ADAMTS12: variants seen among roughly 807,000 people sequenced by gnomAD.
The protein encoded by ADAMTS12 is ADAM metallopeptidase with thrombospondin type 1 motif 12, also known as A disintegrin and metalloproteinase with thrombospondin motifs 12.
ADAMTS12 carries 118 observed loss-of-function variants against 167.8 expected under a neutral mutation model. That is an observed-to-expected ratio of 0.70 (90% CI 0.61 to 0.82). The LOEUF (loss-of-function observed/expected upper bound fraction) is 0.82. ADAMTS12 is among the 40% of genes least tolerant of loss of function. The pLI is 0.00. For missense variants in ADAMTS12, 1,916 were observed against 1,998.8 expected (o/e 0.96, Z 0.79); for synonymous variants, 704 against 716.9 (o/e 0.98, Z 0.29).
chr5:33,719,617 T>C (rs528088813), intron 3 of ADAMTS12, among the ~76,000 whole-genome samples: 11 of 152,316 alleles, frequency 7.2e-5, no homozygotes, highest in Non-Finnish European at 7.4e-5. Context: ...CACCTAAGAA[T>C]CTTAAGGGGG....
chr5:33,529,166 A>C (rs1455399370), intron 23 of ADAMTS12, among the ~76,000 whole-genome samples: 4 of 152,240 alleles, frequency 2.6e-5, no homozygotes, highest in African/African-American at 4.8e-5. Context: ...GATATGTACA[A>C]ATAATTCCCA....
At chr5:33,693,302 T>C (rs1742622395) in intron 3 of ADAMTS12, among the ~76,000 whole-genome samples, 1 of 152,208 alleles carries the variant, frequency 6.6e-6, no homozygotes, top group Non-Finnish European at 1.5e-5. Context: ...AGAAACCATC[T>C]GCTCTTTCAA....
chr5:33,821,737 T>G (rs1747877471), intron 2 of ADAMTS12, among the ~76,000 whole-genome samples: 1 of 152,204 alleles, frequency 6.6e-6, no homozygotes, highest in Admixed American at 6.6e-5. Flanking sequence ...CCAAGTCACA[T>G]TTTTATCAAA....
At chr5:33,733,230 A>G (rs943697378) in intron 3 of ADAMTS12, among the ~76,000 whole-genome samples, 9 of 152,178 alleles carry the variant, frequency 5.9e-5, no homozygotes, top group Non-Finnish European at 1.2e-4. Context: ...TTACAGAATA[A>G]TACAGTTACT....
chr5:33,642,289 T>C (rs952893540), intron 10 of ADAMTS12, among the ~76,000 whole-genome samples: 2 of 152,210 alleles, frequency 1.3e-5, no homozygotes, highest in Non-Finnish European at 2.9e-5. Flanking sequence ...CAGCTTAGTA[T>C]GCTTAGCAAC....
chr5:33,779,981 A>G (rs1746062675), intron 2 of ADAMTS12, among the ~76,000 whole-genome samples: 1 of 152,186 alleles, frequency 6.6e-6, no homozygotes, highest in Non-Finnish European at 1.5e-5. Flanking sequence ...AGTAGATCTT[A>G]CATGTTTTTA....
rs1019810882 is a variant in ADAMTS12, at chr5:33,691,156, G to A, written c.635-7101C>T. 3.3e-5 allele frequency among the ~76,000 whole-genome samples: 5 copies of A among 152,150 alleles called. No individual in the cohort carries two copies. The South Asian group carries it at 1.0e-3, about 32-fold the overall frequency. On this transcript the variant is annotated intron_variant, in intron 3 of 23. Coordinates refer to ENST00000504830, the MANE Select transcript of ADAMTS12 (RefSeq NM_030955.4). Reference sequence around the variant, plus strand: ...AAGTGTTCAAAAAGAGTTTACTCCTGCACAGTTACATTTCATGTAGGGTAT... The same window carrying A: ...AAGTGTTCAAAAAGAGTTTACTCCTACACAGTTACATTTCATGTAGGGTAT...
chr5:33,709,406 A>C (rs1337322396), intron 3 of ADAMTS12, among the ~76,000 whole-genome samples: 1 of 152,252 alleles, frequency 6.6e-6, no homozygotes, highest in Non-Finnish European at 1.5e-5. Context: ...ATGCACACAT[A>C]TGTTCACTGC....
intron 2 of ADAMTS12, among the ~76,000 whole-genome samples, chr5:33,793,854 A>G (rs1746670420): frequency 1.3e-5 from 2 of 152,214 alleles, no homozygotes; most frequent in South Asian, 4.1e-4. Flanking sequence ...CCCAGCTGTG[A>G]GAGAAAAGGG....
chr5:33,583,809 T>A (rs1240810474), intron 18 of ADAMTS12, among the ~76,000 whole-genome samples: 3 of 152,256 alleles, frequency 2.0e-5, no homozygotes, highest in Non-Finnish European at 4.4e-5. Flanking sequence ...AAATGTCTAT[T>A]GAAATCTTTT....
chr5:33,822,179 TG>T (rs1478867511), intron 2 of ADAMTS12, among the ~76,000 whole-genome samples: 3 of 152,184 alleles, frequency 2.0e-5, no homozygotes, highest in African/African-American at 7.2e-5. Flanking sequence ...CCTTCCATGC[TG>T]GGGAAATGCC....
At chr5:33,773,559 T>C (rs1745819196) in intron 2 of ADAMTS12, among the ~76,000 whole-genome samples, 2 of 152,174 alleles carry the variant, frequency 1.3e-5, no homozygotes, top group South Asian at 4.1e-4. Context: ...TGTTTCTCTC[T>C]GTGAATTCTT....
chr5:33,766,831 G>A (rs116487523), intron 2 of ADAMTS12, among the ~76,000 whole-genome samples: 486 of 152,196 alleles, frequency 3.2e-3, no homozygotes, highest in African/African-American at 0.011. Flanking sequence ...TCATCATACC[G>A]TGGTCAAACA....
intron 19 of ADAMTS12, among the ~76,000 whole-genome samples, chr5:33,562,183 G>T (rs1019164821): frequency 1.3e-5 from 2 of 152,168 alleles, no homozygotes; most frequent in African/African-American, 2.4e-5. Context: ...CCCAGGTGCT[G>T]CTGATGCTGT....
At position 33,852,521 on chromosome 5, in the gene ADAMTS12, G is replaced by A. The variant is rs543744996; in HGVS notation, c.489+28598C>T. On this transcript the variant is annotated intron_variant, in intron 2 of 23. Coordinates refer to ENST00000504830, the MANE Select transcript of ADAMTS12 (RefSeq NM_030955.4). The stretch of plus-strand genomic sequence containing the variant: ...GGGAGGAATCAGTGACACCAAATGC[G>A]GCCGTTTAGTATGAAATTTCATAAT... Among the ~76,000 whole-genome samples, 4 of 152,230 alleles carry A rather than the reference G, an allele frequency of 2.6e-5. 1 individual carries two copies. The highest frequency in any genetic ancestry group is 9.6e-5 in the African/African-American group (4 of 41,522).
In ADAMTS12 at chr5:33,527,304, T is replaced by C; in HGVS notation, c.4669A>G (p.Lys1557Glu). The C allele has an allele frequency of 6.2e-7, 1 of 1,614,174 alleles. No homozygotes were observed. The highest frequency in any genetic ancestry group is 8.5e-7 in the Non-Finnish European group (1 of 1,180,026). ...GCCCTCACGGTGGGCACAGAACATTTCTTCATGGCTTTCAGTGTCTGGCAG... is the reference window on the plus strand; with the variant it reads ...GCCCTCACGGTGGGCACAGAACATTCCTTCATGGCTTTCAGTGTCTGGCAG... ...SFCQTLKAMK[K>E]CSVPTVRAEC... Residue 1557 changes from lysine (K) to glutamate (E), a missense_variant, in exon 24 of 24, where the codon AAA (lysine) becomes GAA (glutamate). Transcript: ENST00000504830.
rs1740251002 is a variant in ADAMTS12 at position 33,637,514 on chromosome 5, A to G, written c.1888+63T>C. On this transcript the variant is annotated intron_variant, in intron 12 of 23. Coordinates refer to ENST00000504830, the MANE Select transcript of ADAMTS12 (RefSeq NM_030955.4). Reference sequence around the variant, plus strand: ...GTGTGGATCACAGAAACCCTGACTGACATACAAATGCTTTGAGAATGGCTG... The same window carrying G: ...GTGTGGATCACAGAAACCCTGACTGGCATACAAATGCTTTGAGAATGGCTG... 6.0e-6 allele frequency: 9 copies of G among 1,505,570 alleles called. No individual in the cohort carries two copies. The Admixed American group carries it at 1.8e-4, about 29-fold the overall frequency. 93.3% of individuals were successfully genotyped at this position (1,505,570 alleles called of 1,614,324 possible). A position where few individuals can be genotyped will look rare whatever the true frequency, so the allele number is the denominator to read the frequency against.
intron 2 of ADAMTS12, among the ~76,000 whole-genome samples, chr5:33,812,887 C>T (rs1222872622): frequency 6.6e-6 from 1 of 152,110 alleles, no homozygotes; most frequent in Non-Finnish European, 1.5e-5. Flanking sequence ...GGTATATATC[C>T]ATATATACAT....
At chr5:33,783,633 T>C (rs533540290) in intron 2 of ADAMTS12, among the ~76,000 whole-genome samples, 2 of 151,880 alleles carry the variant, frequency 1.3e-5, no homozygotes, top group African/African-American at 2.4e-5. Context: ...TTATATGAAA[T>C]AGAAAATTCC....
Sources: allele counts gnomAD v4.1 joint callset (sites outside exome capture counted in the v4.1 genomes callset), GRCh38; gene constraint gnomAD v4.1.1; transcripts MANE v1.5; gene names NCBI Gene and HGNC (gene_info 2026-07-23, HGNC 2026-07-21).